The following TBC1D4 variants were observed in gnomAD, a reference collection of about 807,000 sequenced individuals.
The protein encoded by TBC1D4 is TBC (Tre-2, BUB2, CDC16) domain-containing protein.
Under a neutral mutation model 142.5 loss-of-function variants are expected in TBC1D4, and 121 were observed. The ratio of observed to expected loss-of-function variants is 0.85; its 90% CI spans 0.73 to 0.99. The LOEUF (loss-of-function observed/expected upper bound fraction) is 0.99, where lower values mean the gene tolerates loss of function less well. Ranked by LOEUF, TBC1D4 falls within the 50% of genes least tolerant of loss-of-function variation. The pLI is 0.00. For missense variants in TBC1D4, 1,475 were observed against 1,606.6 expected (o/e 0.92, Z 1.40); for synonymous variants, 630 against 628.2 (o/e 1.00, Z -0.04).
chr13:75,305,183 T>G (rs1226284389), intron 15 of TBC1D4, among the ~76,000 whole-genome samples: 1 of 152,202 alleles, frequency 6.6e-6, no homozygotes. Context: ...GACACACCTT[T>G]CACCTTCCGC....
chr13:75,448,567 TC>T (rs1887395921), intron 1 of TBC1D4, among the ~76,000 whole-genome samples: 1 of 128,968 alleles, frequency 7.8e-6, no homozygotes, highest in Admixed American at 8.0e-5. Context: ...AAACTCCGTC[TC>T]AAAAAAAAAA....
At chr13:75,433,895 C>T (rs573852411) in intron 1 of TBC1D4, among the ~76,000 whole-genome samples, 2 of 152,058 alleles carry the variant, frequency 1.3e-5, no homozygotes, top group Non-Finnish European at 2.9e-5. Flanking sequence ...ATGTGGCCAA[C>T]AAGCATATGA....
chr13:75,374,928 C>G (rs1287802627), intron 1 of TBC1D4, among the ~76,000 whole-genome samples: 1 of 152,170 alleles, frequency 6.6e-6, no homozygotes, highest in Non-Finnish European at 1.5e-5. Context: ...AATCCTTGCA[C>G]CCTCCCCCAG....
At chr13:75,465,634 G>A (rs577474499) in intron 1 of TBC1D4, among the ~76,000 whole-genome samples, 1 of 152,142 alleles carries the variant, frequency 6.6e-6, no homozygotes, top group African/African-American at 2.4e-5. Flanking sequence ...CTCAGCAAAG[G>A]GCATTCCAAA....
intron 7 of TBC1D4, among the ~76,000 whole-genome samples, chr13:75,338,964 C>T (rs988735414): frequency 1.3e-5 from 2 of 152,202 alleles, no homozygotes; most frequent in Non-Finnish European, 2.9e-5. Flanking sequence ...GCCTAAATAG[C>T]TCTTCACTCA....
chr13:75,442,888 T>G (rs962041873), intron 1 of TBC1D4, among the ~76,000 whole-genome samples: 1 of 152,088 alleles, frequency 6.6e-6, no homozygotes, highest in Non-Finnish European at 1.5e-5. Context: ...CCAAACTCCA[T>G]GTCCTGTCTG....
intron 16 of TBC1D4, among the ~76,000 whole-genome samples, chr13:75,300,910 A>G (rs926657672): frequency 6.6e-6 from 1 of 152,178 alleles, no homozygotes; most frequent in Admixed American, 6.5e-5. Flanking sequence ...TATGTCTAAG[A>G]CCACAATTAG....
At chr13:75,332,763 G>A (rs1447038591) in intron 8 of TBC1D4, among the ~76,000 whole-genome samples, 4 of 152,258 alleles carry the variant, frequency 2.6e-5, no homozygotes, top group Middle Eastern at 3.4e-3. Context: ...TAAAATAATG[G>A]CATTCACAAT....
At chr13:75,441,516 T>C (rs79784362) in intron 1 of TBC1D4, among the ~76,000 whole-genome samples, 2,083 of 152,246 alleles carry the variant, frequency 0.014, 63 homozygotes, top group African/African-American at 0.048. Flanking sequence ...TTCAAATAGT[T>C]TCCCCCCTTG....
intron 1 of TBC1D4, among the ~76,000 whole-genome samples, chr13:75,442,605 C>T (rs550099489): frequency 6.6e-6 from 1 of 151,716 alleles, no homozygotes; most frequent in Non-Finnish European, 1.5e-5. Flanking sequence ...ATGGTGAAAC[C>T]CCATCTCTAC....
intron 1 of TBC1D4, among the ~76,000 whole-genome samples, chr13:75,398,837 G>A (rs1430788076): frequency 1.3e-5 from 2 of 152,122 alleles, no homozygotes; most frequent in African/African-American, 4.8e-5. Context: ...TCAAAGATCT[G>A]AGGACCTGTC....
At chr13:75,451,753 A>G (rs1887542483) in intron 1 of TBC1D4, among the ~76,000 whole-genome samples, 1 of 149,162 alleles carries the variant, frequency 6.7e-6, no homozygotes, top group Non-Finnish European at 1.5e-5. Flanking sequence ...GTTATACATA[A>G]TGTGTTATAA....
chr13:75,343,813 T>C (rs1445557115), intron 5 of TBC1D4, among the ~76,000 whole-genome samples: 2 of 149,488 alleles, frequency 1.3e-5, no homozygotes, highest in Non-Finnish European at 3.0e-5. Flanking sequence ...TGCCCTGTTT[T>C]GTGTTTATTT....
chr13:75,470,899 A>T (rs961512230), intron 1 of TBC1D4, among the ~76,000 whole-genome samples: 1 of 152,016 alleles, frequency 6.6e-6, no homozygotes, highest in African/African-American at 2.4e-5. Context: ...GGGCACAAGA[A>T]TCACTTCAAC....
intron 9 of TBC1D4, among the ~76,000 whole-genome samples, 161 bp from the exon 10 acceptor site, chr13:75,326,584 C>T (rs1879287883): frequency 6.6e-6 from 1 of 152,186 alleles, no homozygotes; most frequent in African/African-American, 2.4e-5. Flanking sequence ...GTAGGCTAAT[C>T]AGTATCACTA....
At chr13:75,465,128 A>G (rs1888116663) in intron 1 of TBC1D4, among the ~76,000 whole-genome samples, 1 of 152,216 alleles carries the variant, frequency 6.6e-6, no homozygotes, top group African/African-American at 2.4e-5. Flanking sequence ...AGGACATACA[A>G]GTACAGACAG....
intron 8 of TBC1D4, among the ~76,000 whole-genome samples, chr13:75,332,101 C>A (rs777645976): frequency 7.2e-5 from 11 of 152,008 alleles, no homozygotes; most frequent in Non-Finnish European, 1.3e-4. Flanking sequence ...TGAAGGCATG[C>A]AAAAAAGACT....
intron 1 of TBC1D4, among the ~76,000 whole-genome samples, chr13:75,366,390 C>T (rs568282812): frequency 1.3e-5 from 2 of 152,290 alleles, no homozygotes; most frequent in South Asian, 4.1e-4. Context: ...GATCCACATT[C>T]TGTGAGTTAA....
chr13:75,304,070 G>T (rs9593061), intron 15 of TBC1D4, among the ~76,000 whole-genome samples: 67,475 of 151,950 alleles, frequency 0.44, 15,676 homozygotes, highest in Middle Eastern at 0.52. Flanking sequence ...CTCTTTTCCC[G>T]GCTTAAATGG....
Sources: gnomAD v4.1 joint callset for allele counts (sites outside exome capture counted in the v4.1 genomes callset) on GRCh38, gnomAD v4.1.1 for gene constraint, MANE v1.5 for transcripts, NCBI Gene and HGNC (gene_info 2026-07-23, HGNC 2026-07-21) for gene names.